Variants in GRID2 observed in about 807,000 individuals in gnomAD.
GRID2 encodes the protein glutamate ionotropic receptor delta type subunit 2.
In GRID2, 33 loss-of-function variants were observed where a neutral mutation model predicts 114.8. That is an observed-to-expected ratio of 0.29 (90% confidence interval 0.22 to 0.38). GRID2 has a LOEUF of 0.38. Ranked by LOEUF, GRID2 falls within the 10% of genes least tolerant of loss-of-function variation. The pLI is 1.00. For missense variants in GRID2, 1,184 were observed against 1,257.7 expected (o/e 0.94, Z 0.89); for synonymous variants, 505 against 449.9 (o/e 1.12, Z -1.55).
rs1355627699 is a variant in GRID2 at position 93,455,731 on chromosome 4, C to T, written c.1615C>T (p.Arg539Cys). 6 of 1,611,368 alleles carry T rather than the reference C, an allele frequency of 3.7e-6. No individual in the cohort carries two copies. The highest frequency in any genetic ancestry group is 1.7e-5 in the Admixed American group (1 of 59,996). ...DRENVVDFTTRYMDYSVGVLL... is the reference protein window; with the variant it reads ...DRENVVDFTTCYMDYSVGVLL... The stretch of plus-strand genomic sequence containing the variant: ...TGAAAATGTGGTGGACTTTACGACA[C>T]GTTACATGGACTACTCAGTGGGGGT... The change falls in exon 11 of 16, where the codon CGT (arginine) becomes TGT (cysteine). Residue 539 changes from arginine (R) to cysteine (C), a missense_variant. Around this residue, in one of 3 missense-constraint regions of GRID2, gnomAD observed 717 missense variants for 796.9 expected, o/e 0.90. Coordinates refer to ENST00000282020, the MANE Select transcript of GRID2 (RefSeq NM_001510.4).
chr4:93,146,027 A>C (rs1360316928), intron 4 of GRID2, among the ~76,000 whole-genome samples: 1 of 152,146 alleles, frequency 6.6e-6, no homozygotes, highest in African/African-American at 2.4e-5. Flanking sequence ...ACTGCAAGCA[A>C]ATTCCCAGTT....
intron 9 of GRID2, among the ~76,000 whole-genome samples, chr4:93,422,172 TAGAC>T (rs1460921135): frequency 2.0e-5 from 3 of 152,166 alleles, no homozygotes; most frequent in Non-Finnish European, 4.4e-5. Context: ...TTTACTAAAT[TAGAC>T]AGTTTATTGA....
chr4:92,848,626 C>T (rs1331462259), intron 2 of GRID2, among the ~76,000 whole-genome samples: 2 of 151,860 alleles, frequency 1.3e-5, no homozygotes, highest in African/African-American at 2.4e-5. Flanking sequence ...TGCCTATTGT[C>T]AAGTTAATGG....
At chr4:92,350,821 A>T (rs564442797) in intron 1 of GRID2, among the ~76,000 whole-genome samples, 282 of 151,818 alleles carry the variant, frequency 1.9e-3, no homozygotes, top group African/African-American at 6.5e-3. Context: ...AATAGTGGTC[A>T]CTCCAATTTT....
chr4:93,068,793 C>T (rs776937615), intron 2 of GRID2, among the ~76,000 whole-genome samples: 1 of 151,978 alleles, frequency 6.6e-6, no homozygotes, highest in Non-Finnish European at 1.5e-5. Context: ...ATTTTATATA[C>T]ATCCATGTAT....
intron 1 of GRID2, among the ~76,000 whole-genome samples, chr4:92,559,459 C>T (rs1359041948): frequency 6.6e-6 from 1 of 152,102 alleles, no homozygotes; most frequent in Non-Finnish European, 1.5e-5. Flanking sequence ...TCAATGAGTA[C>T]TTCCTTTGAG....
intron 13 of GRID2, among the ~76,000 whole-genome samples, chr4:93,622,884 C>T (rs906584946): frequency 2.0e-5 from 3 of 152,026 alleles, no homozygotes; most frequent in African/African-American, 7.2e-5. Context: ...ATATTCCATT[C>T]TTTTTTCAGT....
chr4:93,629,797 A>G (rs1743080117), intron 14 of GRID2, among the ~76,000 whole-genome samples: 1 of 152,210 alleles, frequency 6.6e-6, no homozygotes, highest in African/African-American at 2.4e-5. Flanking sequence ...TAAAAAATAT[A>G]TAGTGATACA....
At chr4:92,524,283 G>T (rs1249609251) in intron 1 of GRID2, among the ~76,000 whole-genome samples, 1 of 151,854 alleles carries the variant, frequency 6.6e-6, no homozygotes, top group African/African-American at 2.4e-5. Context: ...TAAATGTAAT[G>T]ACTTTAACAA....
At chr4:92,947,797 T>C (rs1751750062) in intron 2 of GRID2, among the ~76,000 whole-genome samples, 1 of 151,888 alleles carries the variant, frequency 6.6e-6, no homozygotes, top group Admixed American at 6.6e-5. Context: ...TTAGAATGGA[T>C]GGCATCTGCA....
chr4:92,690,192 T>A (rs1223034110), intron 2 of GRID2, among the ~76,000 whole-genome samples: 1 of 150,052 alleles, frequency 6.7e-6, no homozygotes, highest in Non-Finnish European at 1.5e-5. Context: ...AGCTTTCAAC[T>A]GAAAGTTTAA....
chr4:92,836,930 T>C (rs910835131), intron 2 of GRID2, among the ~76,000 whole-genome samples: 5 of 152,048 alleles, frequency 3.3e-5, no homozygotes, highest in African/African-American at 1.2e-4. Context: ...ATCGAAAATC[T>C]TCAAGCGAAG....
At chr4:92,324,621 A>ACT (rs1164909204) in intron 1 of GRID2, among the ~76,000 whole-genome samples, 2 of 147,758 alleles carry the variant, frequency 1.4e-5, no homozygotes, top group African/African-American at 5.3e-5. Flanking sequence ...ACACACACAC[A>ACT]CTGACTTTGC....
At chr4:93,286,370 T>G (rs1753152946) in intron 8 of GRID2, among the ~76,000 whole-genome samples, 1 of 152,182 alleles carries the variant, frequency 6.6e-6, no homozygotes, top group African/African-American at 2.4e-5. Context: ...TTATCAATTT[T>G]ATTTGTCCCA....
At chr4:92,481,981 G>GAGATATATATAT (rs1350895466) in intron 1 of GRID2, among the ~76,000 whole-genome samples, 1 of 47,242 alleles carries the variant, frequency 2.1e-5, no homozygotes, top group African/African-American at 7.5e-5. Flanking sequence ...AATAAAATGT[G>GAGATATATATAT]ATATATATAT....
In GRID2 at chr4:93,774,302, C is replaced by G. The variant is rs762884897; in HGVS notation, c.*1804C>G. ...ACAACTTGTTTTCCCTTGTAACATT[C>G]ATGATCTCATTTACAACTCTGATTT... On this transcript the variant is annotated 3_prime_UTR_variant, in exon 16 of 16. Coordinates refer to ENST00000282020, the MANE Select transcript of GRID2 (RefSeq NM_001510.4). 5 of 151,954 alleles carry G rather than the reference C, an allele frequency of 3.3e-5. No homozygotes were observed. Among genetic ancestry groups the G allele is most frequent in the Non-Finnish European group, 7.4e-5 (5 of 67,956 alleles). 9.4% of individuals were successfully genotyped at this position (151,954 alleles called of 1,614,324 possible). A position where few individuals can be genotyped will look rare whatever the true frequency, so the allele number is the denominator to read the frequency against.
chr4:93,675,962 G>A (rs1724819851), intron 14 of GRID2, among the ~76,000 whole-genome samples: 1 of 152,192 alleles, frequency 6.6e-6, no homozygotes. Flanking sequence ...TAATGTTAAT[G>A]TTTATTGGCA....
chr4:92,651,827 G>A (rs932679695), intron 2 of GRID2, among the ~76,000 whole-genome samples: 1 of 152,104 alleles, frequency 6.6e-6, no homozygotes, highest in African/African-American at 2.4e-5. Context: ...CCCAGAGTGG[G>A]GTTGTAGTAC....
chr4:93,170,519 A>G (rs2149421374), intron 4 of GRID2, among the ~76,000 whole-genome samples: 1 of 152,268 alleles, frequency 6.6e-6, no homozygotes, highest in Non-Finnish European at 1.5e-5. Flanking sequence ...TTCCATTGAG[A>G]TATAGATAGG....
Sources: allele counts gnomAD v4.1 joint callset (sites outside exome capture counted in the v4.1 genomes callset), GRCh38; gene constraint gnomAD v4.1.1; regional missense constraint gnomAD v4.1.1; transcripts MANE v1.5; gene names NCBI Gene and HGNC (gene_info 2026-07-23, HGNC 2026-07-21).